The following HTRA2 variants were observed in gnomAD, a reference collection of about 807,000 sequenced individuals.
HTRA2 encodes serine protease HTRA2, mitochondrial.
In HTRA2, 24 loss-of-function variants were observed where a neutral mutation model predicts 42.2. That is an observed-to-expected ratio of 0.57 (90% confidence interval 0.41 to 0.80). The LOEUF is 0.80. Among genes scored for constraint, HTRA2 ranks in the 30% least tolerant of loss-of-function variants. The pLI, the probability that HTRA2 is intolerant of heterozygous loss-of-function variation, is 0.00. For missense variants in HTRA2, 466 were observed against 613.5 expected (o/e 0.76, Z 2.54); for synonymous variants, 245 against 255.8 (o/e 0.96, Z 0.40).
chr2:74,532,205 A>G (rs766873260), intron 6 of HTRA2, among the ~76,000 whole-genome samples: 3 of 152,300 alleles, frequency 2.0e-5, no homozygotes, highest in South Asian at 2.1e-4. Context: ...CTGTAAATCA[A>G]CTTTCTAGAC....
chr2:74,529,734 A>T (rs1675436704), upstream of HTRA2: 1 of 1,519,868 alleles, frequency 6.6e-7, no homozygotes, highest in Non-Finnish European at 8.8e-7. Context: ...GCCCGGGGTG[A>T]GGGGACCCGA....
At position 74,530,521 on chromosome 2, in the gene HTRA2, G is replaced by C. The variant is rs768361938; in HGVS notation, c.506+9G>C. ...ATCGAGATCCTGGACCGGTAATGGTGGGGGTAGACCGGGAGGCACTGAAGC... is the reference window on the plus strand; with the variant it reads ...ATCGAGATCCTGGACCGGTAATGGTCGGGGTAGACCGGGAGGCACTGAAGC... On this transcript the variant is annotated intron_variant, in intron 1 of 7. Coordinates refer to ENST00000258080, the MANE Select transcript of HTRA2 (RefSeq NM_013247.5). The surrounding 1 kb of genome is among the most constrained non-coding windows in gnomAD (Gnocchi z 7.4). 1 of 1,612,892 alleles carries C rather than the reference G, an allele frequency of 6.2e-7. No homozygotes were observed. The highest frequency in any genetic ancestry group is 8.5e-7 in the Non-Finnish European group (1 of 1,180,034).
In HTRA2 at chr2:74,531,962, A is replaced by C. The variant is rs371582344; in HGVS notation, c.1115+37A>C. 4.4e-6 allele frequency: 7 copies of C among 1,591,492 alleles called. No homozygotes were observed. The African/African-American group carries it at 9.4e-5, about 21-fold the overall frequency. ...AGGGACAGTGACATGTAATGTGACC[A>C]GTGTAATCAGAGGGGGGCACCTCTA... On this transcript the variant is annotated intron_variant, in intron 6 of 7. Coordinates refer to ENST00000258080, the MANE Select transcript of HTRA2 (RefSeq NM_013247.5).
In HTRA2 at chr2:74,530,687, AT is replaced by A; in HGVS notation, c.579del (p.Ile193MetfsTer16). ...SGFVVAADGL[I>X]VTNAHVVADR... ...ATTCGTGGTGGCTGCCGATGGGCTC[AT>A]TGTCACCAACGCCCATGTGGTGGCT... On this transcript the variant is annotated frameshift_variant, in exon 2 of 8. Transcript: ENST00000258080. LOFTEE classifies it high-confidence loss of function. This position sits in a 1 kb window ranked among gnomAD's most constrained non-coding sequence, Gnocchi z 7.4. 1 of 1,614,062 alleles carries A rather than the reference AT, an allele frequency of 6.2e-7. No individual in the cohort carries two copies.
downstream of HTRA2, chr2:74,533,369 C>A (rs71640295): frequency 0.011 from 6,247 of 549,442 alleles, 139 homozygotes; most frequent in African/African-American, 0.061. Flanking sequence ...GTGGTGGGCT[C>A]TGGTCTGTTC....
Position 74,531,486 on chromosome 2 carries a change from A to C in HTRA2, c.940-111A>C, listed in dbSNP as rs551545509. 7 of 1,608,182 alleles carry C rather than the reference A, an allele frequency of 4.4e-6. No individual in the cohort carries two copies. In the South Asian group the frequency reaches 6.6e-5, roughly 15 times the overall value. On this transcript the variant is annotated intron_variant, in intron 4 of 7. Transcript: ENST00000258080. ...GTTTCTGAGCAGTTCTTTGTTGGCT[A>C]TCTCTCAATATCCAACCAGATCTCC...
At chr2:74,529,851 G>T, upstream of HTRA2, 2 of 1,417,182 alleles carry the variant, frequency 1.4e-6, no homozygotes, top group Non-Finnish European at 1.8e-6. Flanking sequence ...GGCATTCGTG[G>T]GGCAGGGAGG....
In HTRA2 at chr2:74,532,602, G is replaced by T; in HGVS notation, c.1116-17G>T. ...AATGCCTGGGTTTGGCTAATAGGGT[G>T]ATCTGTGTACTTTCAGCATCCTTGC... On this transcript the variant is annotated splice_polypyrimidine_tract_variant and intron_variant, in intron 6 of 7. Transcript: ENST00000258080. 6.2e-7 allele frequency: 1 copy of T among 1,609,734 alleles called. No individual in the cohort carries two copies. Among genetic ancestry groups the T allele is most frequent in the South Asian group, 1.1e-5 (1 of 90,678 alleles).
Position 74,531,137 on chromosome 2 carries a change from A to G in HTRA2, c.906+32A>G, listed in dbSNP as rs760367735. On this transcript the variant is annotated intron_variant, in intron 3 of 7. Coordinates refer to ENST00000258080, the MANE Select transcript of HTRA2 (RefSeq NM_013247.5). Reference sequence around the variant, plus strand: ...CCTGATAGGAGAGAAATGACAAATGATGGGGGAGGGGGGAGAGGCTGTGTG... The same window carrying G: ...CCTGATAGGAGAGAAATGACAAATGGTGGGGGAGGGGGGAGAGGCTGTGTG... 7.5e-6 allele frequency: 12 copies of G among 1,607,228 alleles called. No homozygotes were observed. The Admixed American group carries it at 1.7e-4, about 22-fold the overall frequency.
At chr2:74,532,320 T>G in intron 6 of HTRA2, 1 of 485,288 alleles carries the variant, frequency 2.1e-6, no homozygotes, top group Non-Finnish European at 3.8e-6. Flanking sequence ...ATCAGATCCA[T>G]CCTTTTAGGC....
At position 74,532,371 on chromosome 2, in the gene HTRA2, C is replaced by T. The variant is rs192583771; in HGVS notation, c.1116-248C>T. On this transcript the variant is annotated intron_variant, in intron 6 of 7. Coordinates refer to ENST00000258080, the MANE Select transcript of HTRA2 (RefSeq NM_013247.5). The stretch of plus-strand genomic sequence containing the variant: ...TCCCCTTAAAGCTTCTCTTAGTATT[C>T]TAGAATGACATTAGTGCTATTGATT... 50 of 529,622 alleles carry T rather than the reference C, an allele frequency of 9.4e-5. No individual in the cohort carries two copies. The Admixed American group carries it at 1.4e-3, about 15-fold the overall frequency. 32.8% of individuals were successfully genotyped at this position (529,622 alleles called of 1,614,324 possible).
In HTRA2 at chr2:74,532,703, C is replaced by T; in HGVS notation, c.1200C>T (p.Ser400=). The T allele has an allele frequency of 6.2e-7, 1 of 1,613,672 alleles. No homozygotes were observed. The highest frequency in any genetic ancestry group is 8.5e-7 in the Non-Finnish European group (1 of 1,179,876). The change falls in exon 7 of 8, where the codon TCC becomes TCT. Residue 400 remains serine, a synonymous_variant. Coordinates refer to ENST00000258080, the MANE Select transcript of HTRA2 (RefSeq NM_013247.5). ...TCATCCATAAAGTCATCCTGGGCTC[C>T]CCTGCACACCGGTGAGGGAGAGGCT... ...GVLIHKVILG[S]PAHRAGLRPG...
At chr2:74,529,803 C>G, upstream of HTRA2, 1 of 1,433,024 alleles carries the variant, frequency 7.0e-7, no homozygotes, top group Non-Finnish European at 9.1e-7. Context: ...CCCCTTGGGC[C>G]GTCTCACAAC....
Position 74,531,057 on chromosome 2 carries a change from A to G in HTRA2, c.858A>G (p.Gly286=). The change falls in exon 3 of 8, where the codon GGA becomes GGG. Residue 286 remains glycine (G), a synonymous_variant. Transcript: ENST00000258080. ...CTCAGCGTCCAGCCAGAGACCTGGG[A>G]CTCCCCCAAACCAATGTGGAATACA... ...SSAQRPARDL[G]LPQTNVEYIQ... 6.2e-7 allele frequency: 1 copy of G among 1,614,018 alleles called. No homozygotes were observed. Among genetic ancestry groups the G allele is most frequent in the Non-Finnish European group, 8.5e-7 (1 of 1,180,010 alleles).
chr2:74,532,902 C>G lies in HTRA2; in HGVS notation c.1294C>G (p.Arg432Gly), dbSNP rs746665790. Reference sequence around the variant, plus strand: ...TGCTGAAGATGTTTATGAAGCTGTTCGAACCCAATCCCAGTTGGCAGTGCA... The same window carrying G: ...TGCTGAAGATGTTTATGAAGCTGTTGGAACCCAATCCCAGTTGGCAGTGCA... ...QNAEDVYEAV[R>G]TQSQLAVQIR... is the part of the protein sequence containing the mutation. Residue 432 changes from arginine (R) to glycine (G), a missense_variant, in exon 8 of 8, where the codon CGA becomes GGA. Arg to Gly is a moderately radical substitution (Grantham distance 125, BLOSUM62 -2). This residue lies in a region of HTRA2 where 129 missense variants were observed against 163.1 expected (regional missense o/e 0.79). Coordinates refer to ENST00000258080, the MANE Select transcript of HTRA2 (RefSeq NM_013247.5). 3 of 1,614,022 alleles carry G rather than the reference C, an allele frequency of 1.9e-6. No individual in the cohort carries two copies. Among genetic ancestry groups the G allele is most frequent in the African/African-American group, 1.3e-5 (1 of 74,996 alleles).
At position 74,532,629 on chromosome 2, in the gene HTRA2, G is replaced by C; in HGVS notation, c.1126G>C (p.Glu376Gln). ...TCTGTGTACTTTCAGCATCCTTGCT[G>C]AACTACAGCTTCGAGAACCAAGCTT... is the stretch of plus-strand genomic sequence containing the variant. Reference protein sequence around the residue: ...MLTLSPSILAELQLREPSFPD... With the variant: ...MLTLSPSILAQLQLREPSFPD... Residue 376 changes from glutamate to glutamine, a missense_variant, in exon 7 of 8, where the codon GAA becomes CAA. Physicochemically the swap from Glu to Gln is conservative, Grantham distance 29 (BLOSUM62 2). Around this residue, in one of 3 missense-constraint regions of HTRA2, gnomAD observed 129 missense variants for 163.1 expected, o/e 0.79. Coordinates refer to ENST00000258080, the MANE Select transcript of HTRA2 (RefSeq NM_013247.5). 1 of 1,613,386 alleles carries C rather than the reference G, an allele frequency of 6.2e-7. No homozygotes were observed. The highest frequency in any genetic ancestry group is 2.2e-5 in the East Asian group (1 of 44,884).
chr2:74,529,825 G>A (rs1343563303), upstream of HTRA2: 5 of 1,426,562 alleles, frequency 3.5e-6, no homozygotes, highest in African/African-American at 1.4e-5. Flanking sequence ...CGCGTCCGGC[G>A]GAGACCACAA....
intron 5 of HTRA2, 60 bp from the exon 6 acceptor site, chr2:74,531,796 A>G: frequency 6.2e-7 from 1 of 1,611,912 alleles, no homozygotes; most frequent in Non-Finnish European, 8.5e-7. Flanking sequence ...GTCTACTGGG[A>G]GAAGAGGGCA....
Position 74,533,106 on chromosome 2 carries a change from C to T in HTRA2, c.*121C>T. ...AGTGGGGGCAGGTCCCTCCAACCAC[C>T]AGCACTGACTCCTGGGCTCTGAAGA... On this transcript the variant is annotated 3_prime_UTR_variant, in exon 8 of 8. Coordinates refer to ENST00000258080, the MANE Select transcript of HTRA2 (RefSeq NM_013247.5). The T allele has an allele frequency of 1.2e-6, 1 of 821,174 alleles. No individual in the cohort carries two copies. The highest frequency in any genetic ancestry group is 2.1e-6 in the Non-Finnish European group (1 of 487,604). 50.9% of individuals were successfully genotyped at this position (821,174 alleles called of 1,614,324 possible). A position where few individuals can be genotyped will look rare whatever the true frequency, so the allele number is the denominator to read the frequency against.
Sources: allele counts gnomAD v4.1 joint callset (sites outside exome capture counted in the v4.1 genomes callset), GRCh38; gene constraint gnomAD v4.1.1; regional missense constraint gnomAD v4.1.1; non-coding constraint Gnocchi (gnomAD v3.1); transcripts MANE v1.5; gene names NCBI Gene and HGNC (gene_info 2026-07-23, HGNC 2026-07-21).